The following GNAO1 variants were observed in gnomAD, a reference collection of about 807,000 sequenced individuals.
GNAO1 encodes the protein G protein subunit alpha o1.
For synonymous variants in GNAO1, 164 were observed against 180.7 expected, an observed-to-expected ratio of 0.91 and a Z score of 0.74; for missense variants, 166 against 478.7, an observed-to-expected ratio of 0.35 and a Z score of 6.10.
intron 2 of GNAO1, among the ~76,000 whole-genome samples, chr16:56,231,512 A>C (rs918714324): frequency 8.6e-5 from 13 of 151,994 alleles, no homozygotes. Flanking sequence ...TGTCCCTAGC[A>C]CCTAGAAGAG....
chr16:56,211,784 T>C (rs1234378554), intron 2 of GNAO1, among the ~76,000 whole-genome samples: 3 of 152,210 alleles, frequency 2.0e-5, no homozygotes, highest in Non-Finnish European at 4.4e-5. Context: ...TTCTCGTTGA[T>C]TGTCCAGAGC....
chr16:56,338,321 T>G (rs1231646128), intron 6 of GNAO1, among the ~76,000 whole-genome samples: 1 of 152,168 alleles, frequency 6.6e-6, no homozygotes. Context: ...CAGGCAGTGA[T>G]GTCAGTCACC....
chr16:56,303,608 G>GGT (rs1776943148), intron 3 of GNAO1, among the ~76,000 whole-genome samples: 1 of 152,224 alleles, frequency 6.6e-6, no homozygotes, highest in African/African-American at 2.4e-5. Flanking sequence ...GTGACTGTCA[G>GGT]ACAGTTTATG....
rs1183379368 is a variant in GNAO1 at position 56,232,746 on chromosome 16, G to GA, written c.161+40138dup. ...TGTTATTTCAGTATAAAATACGTTG[G>GA]AAAAAAAACATGACATATAATAGGC... On this transcript the variant is annotated intron_variant, in intron 2 of 8. Transcript: ENST00000262493. 1.2e-4 allele frequency among the ~76,000 whole-genome samples: 18 copies of GA among 151,886 alleles called. 1 individual carries two copies. The highest frequency in any genetic ancestry group is 4.2e-4 in the South Asian group (2 of 4,794).
At chr16:56,320,111 A>G (rs1017570634) in intron 3 of GNAO1, among the ~76,000 whole-genome samples, 4 of 151,802 alleles carry the variant, frequency 2.6e-5, no homozygotes, top group African/African-American at 4.8e-5. Context: ...AGAAATGACA[A>G]CCTCTCCTGG....
intron 2 of GNAO1, among the ~76,000 whole-genome samples, chr16:56,258,377 A>T (rs2036872098): frequency 1.3e-5 from 2 of 152,214 alleles, no homozygotes; most frequent in South Asian, 2.1e-4. Context: ...TTCATGAGAA[A>T]ATATATAAAA....
chr16:56,293,126 C>T (rs1314056697), intron 3 of GNAO1, among the ~76,000 whole-genome samples: 2 of 152,232 alleles, frequency 1.3e-5, no homozygotes, highest in African/African-American at 4.8e-5. Context: ...GGTCCCTGGT[C>T]ACACCTAACT....
chr16:56,227,357 G>A (rs1350881532), intron 2 of GNAO1, among the ~76,000 whole-genome samples: 2 of 152,106 alleles, frequency 1.3e-5, no homozygotes, highest in East Asian at 3.9e-4. Context: ...GCCTCTGCAG[G>A]CAGGCTCTTG....
chr16:56,328,863 A>G (rs1473661107), intron 4 of GNAO1, 72 bp downstream of exon 4: 1 of 1,485,892 alleles, frequency 6.7e-7, no homozygotes, highest in African/African-American at 1.4e-5. Context: ...GGTGATGGGG[A>G]TTGGCAGAGC....
At position 56,351,264 on chromosome 16, in the gene GNAO1, C is replaced by T. The variant is rs1430465946; in HGVS notation, c.724-120C>T. ...ACTCAGGTTCCATCTGGCAGCCTCT[C>T]GGAGGAGCTGCCGAGTAGCCCAGTC... On this transcript the variant is annotated intron_variant, in intron 6 of 8. Coordinates refer to ENST00000262493, the MANE Select transcript of GNAO1 (RefSeq NM_020988.3). This position sits in a 1 kb window ranked among gnomAD's most constrained non-coding sequence, Gnocchi z 6.1. 2.3e-5 allele frequency: 15 copies of T among 659,644 alleles called. No homozygotes were observed. In the East Asian group the frequency reaches 3.0e-4, roughly 13 times the overall value. 40.9% of individuals were successfully genotyped at this position (659,644 alleles called of 1,614,324 possible). A position where few individuals can be genotyped will look rare whatever the true frequency, so the allele number is the denominator to read the frequency against.
chr16:56,330,436 T>TAG (rs1359243408), intron 4 of GNAO1, among the ~76,000 whole-genome samples: 1 of 151,922 alleles, frequency 6.6e-6, no homozygotes, highest in Non-Finnish European at 1.5e-5. Context: ...GCTCTCCACT[T>TAG]ACATTTTTAC....
At chr16:56,347,575 G>C (rs2143692622) in intron 6 of GNAO1, 2 of 985,596 alleles carry the variant, frequency 2.0e-6, no homozygotes, top group Non-Finnish European at 2.4e-6. Context: ...GGGAAAAGCA[G>C]AAAGAATGGC....
intron 6 of GNAO1, among the ~76,000 whole-genome samples, chr16:56,337,105 G>A (rs759007389): frequency 3.3e-5 from 5 of 152,260 alleles, no homozygotes; most frequent in African/African-American, 7.2e-5. Context: ...ACACAGAGCC[G>A]TGCAGAATGT....
chr16:56,321,874 C>T (rs2143632645), intron 3 of GNAO1, among the ~76,000 whole-genome samples: 1 of 152,342 alleles, frequency 6.6e-6, no homozygotes, highest in Middle Eastern at 3.4e-3. Flanking sequence ...AAAATACTCA[C>T]AGGCCAGACC....
Position 56,326,808 on chromosome 16 carries a change from C to A in GNAO1, c.304-1823C>A. On this transcript the variant is annotated intron_variant, in intron 3 of 8. Coordinates refer to ENST00000262493, the MANE Select transcript of GNAO1 (RefSeq NM_020988.3). This position sits in a 1 kb window ranked among gnomAD's most constrained non-coding sequence, Gnocchi z 4.8. ...ACCTGCTCTGCTCTCACCTACTCTG[C>A]GTTGGACATTAAAGGCTGTGGCTGC... Among the ~76,000 whole-genome samples the A allele has an allele frequency of 6.6e-6, 1 of 152,226 alleles. No individual in the cohort carries two copies. Among genetic ancestry groups the A allele is most frequent in the East Asian group, 1.9e-4 (1 of 5,194 alleles).
chr16:56,194,116 A>G lies in GNAO1; in HGVS notation c.161+1500A>G, dbSNP rs1163206422. On this transcript the variant is annotated intron_variant, in intron 2 of 8. Coordinates refer to ENST00000262493, the MANE Select transcript of GNAO1 (RefSeq NM_020988.3). ...ATGATGGTAGGGAGTAGCGACTCGGAGACAATTTTCCCATCTGCTTGACAT... is the reference window on the plus strand; with the variant it reads ...ATGATGGTAGGGAGTAGCGACTCGGGGACAATTTTCCCATCTGCTTGACAT... 1.5e-5 allele frequency: 7 copies of G among 456,468 alleles called. No homozygotes were observed. In the East Asian group the frequency reaches 4.9e-4, roughly 32 times the overall value. 28.3% of individuals were successfully genotyped at this position (456,468 alleles called of 1,614,324 possible).
intron 6 of GNAO1, chr16:56,345,556 A>T: frequency 1.0e-6 from 1 of 985,176 alleles, no homozygotes; most frequent in Non-Finnish European, 1.2e-6. Context: ...GCCTGCAGGG[A>T]CCGGTGCCTG....
chr16:56,329,007 G>T, intron 4 of GNAO1: 1 of 549,646 alleles, frequency 1.8e-6, no homozygotes, highest in African/African-American at 1.9e-5. Context: ...GGCAGAGGAC[G>T]CAAGAGACAA....
At chr16:56,235,051 G>T (rs936367538) in intron 2 of GNAO1, 13 of 315,794 alleles carry the variant, frequency 4.1e-5, no homozygotes, top group Non-Finnish European at 8.1e-5. Flanking sequence ...CGGCACTTGA[G>T]TTCTGCAAAA....
Sources: gnomAD v4.1 joint callset for allele counts (sites outside exome capture counted in the v4.1 genomes callset) on GRCh38, gnomAD v4.1.1 for gene constraint, Gnocchi (gnomAD v3.1) non-coding constraint, MANE v1.5 for transcripts, NCBI Gene and HGNC (gene_info 2026-07-23, HGNC 2026-07-21) for gene names.